The following TRPC5 variants were observed in gnomAD, a reference collection of about 807,000 sequenced individuals.
TRPC5 encodes the protein short transient receptor potential channel 5.
In TRPC5, 9 loss-of-function variants were observed where a neutral mutation model predicts 56.5. That is an observed-to-expected ratio of 0.16 (90% CI 0.10 to 0.28). The LOEUF is 0.28. Ranked by LOEUF, TRPC5 falls within the 10% of genes least tolerant of loss-of-function variation. TRPC5 has a pLI of 1.00. For missense variants in TRPC5, 469 were observed against 748.9 expected (o/e 0.63, Z 4.36); for synonymous variants, 282 against 278.5 (o/e 1.01, Z -0.13).
chrX:111,824,792 T>C (rs1270831165), intron 7 of TRPC5, among the ~76,000 whole-genome samples: 2 of 112,084 alleles, frequency 1.8e-5, no homozygotes, highest in Non-Finnish European at 3.8e-5. Flanking sequence ...CAGGGGGGAC[T>C]TCACTGCCTG....
At chrX:111,842,479 G>C (rs1289457421) in intron 6 of TRPC5, among the ~76,000 whole-genome samples, 1 of 111,550 alleles carries the variant, frequency 9.0e-6, no homozygotes, top group Non-Finnish European at 1.9e-5. Context: ...TTTGGGTTTA[G>C]AAACTTTTTT....
intron 2 of TRPC5, among the ~76,000 whole-genome samples, chrX:111,922,958 T>A (rs1463989344): frequency 1.8e-5 from 2 of 111,751 alleles, no homozygotes; most frequent in Non-Finnish European, 3.8e-5. Flanking sequence ...GAGTATTTTA[T>A]TTAGTCCTCA....
chrX:112,038,492 G>A (rs758938231), intron 1 of TRPC5, among the ~76,000 whole-genome samples: 1 of 111,442 alleles, frequency 9.0e-6, no homozygotes, highest in Admixed American at 9.5e-5. Flanking sequence ...CAGCTTTTCC[G>A]TAGTTTTTCT....
intron 2 of TRPC5, among the ~76,000 whole-genome samples, chrX:111,922,873 A>G (rs1926160243): frequency 8.9e-6 from 1 of 112,299 alleles, no homozygotes. Context: ...TAGCCTAAGC[A>G]GCAGGGATAA....
chrX:111,926,346 AGTGCATT>A (rs756990556), intron 2 of TRPC5, among the ~76,000 whole-genome samples: 43 of 111,927 alleles, frequency 3.8e-4, no homozygotes, highest in African/African-American at 1.3e-3. Context: ...AAACTCTAAA[AGTGCATT>A]GTGCATTATG....
rs766783627 is a variant in TRPC5, at chrX:111,769,438, C to T, written c.*6875G>A. On this transcript the variant is annotated 3_prime_UTR_variant, in exon 11 of 11. Coordinates refer to ENST00000262839, the MANE Select transcript of TRPC5 (RefSeq NM_012471.3). ...AGGCTATGTGCTTATTCATGTAAGG[C>T]TACCACTGCTCCAAGCATAATTGAA... Among the ~76,000 whole-genome samples, 1 of 111,552 alleles carries T rather than the reference C, an allele frequency of 9.0e-6. No individual in the cohort carries two copies. Among genetic ancestry groups the T allele is most frequent in the Non-Finnish European group, 1.9e-5 (1 of 53,123 alleles).
At chrX:111,997,530 TG>T (rs1928573607) in intron 1 of TRPC5, among the ~76,000 whole-genome samples, 1 of 111,263 alleles carries the variant, frequency 9.0e-6, no homozygotes, top group Non-Finnish European at 1.9e-5. Context: ...ATTTGAATGT[TG>T]GCCGGCCTTG....
rs150710834 is a variant in TRPC5 at position 111,871,832 on chromosome X, G to A, written c.901-17726C>T. Among the ~76,000 whole-genome samples the A allele has an allele frequency of 4.3e-3, 478 of 111,804 alleles. 2 individuals carry two copies. Among genetic ancestry groups the A allele is most frequent in the African/African-American group, 0.015 (465 of 30,759 alleles). ...TAATTTTGAATTTGATCCCCAGTGT[G>A]GTGGTATTGGGAGGTAGGGCCTAGT... On this transcript the variant is annotated intron_variant, in intron 3 of 10. Coordinates refer to ENST00000262839, the MANE Select transcript of TRPC5 (RefSeq NM_012471.3).
At chrX:111,778,935 A>T in intron 10 of TRPC5, 50 bp downstream of exon 10, 1 of 931,345 alleles carries the variant, frequency 1.1e-6, no homozygotes, top group Non-Finnish European at 1.5e-6. Flanking sequence ...GTGAAGATTA[A>T]ATGATGCTTA....
intron 3 of TRPC5, among the ~76,000 whole-genome samples, chrX:111,864,228 T>G (rs1169011910): frequency 9.0e-6 from 1 of 111,425 alleles, no homozygotes; most frequent in Non-Finnish European, 1.9e-5. Context: ...GACCTCCTGA[T>G]CCGCAGGCCT....
chrX:112,020,637 A>G (rs193168842), intron 1 of TRPC5, among the ~76,000 whole-genome samples: 44 of 111,820 alleles, frequency 3.9e-4, no homozygotes, highest in African/African-American at 1.2e-3. Context: ...AGGCAGAAAA[A>G]ATAATGAAAT....
intron 7 of TRPC5, among the ~76,000 whole-genome samples, chrX:111,830,157 G>A (rs773683252): frequency 1.2e-4 from 14 of 112,598 alleles, no homozygotes; most frequent in African/African-American, 1.9e-4. Flanking sequence ...TTTAATGACC[G>A]CCCTAGTGGA....
At chrX:111,878,054 G>C (rs1924039387) in intron 3 of TRPC5, among the ~76,000 whole-genome samples, 1 of 111,091 alleles carries the variant, frequency 9.0e-6, no homozygotes, top group Admixed American at 9.6e-5. Flanking sequence ...AGCAAGCTTA[G>C]ATTCATCTTT....
At chrX:111,902,810 G>A (rs1332274703) in intron 3 of TRPC5, 2 of 112,014 alleles carry the variant, frequency 1.8e-5, no homozygotes, top group African/African-American at 6.5e-5. Context: ...AACTGAAAAA[G>A]CTGGGACCAA....
intron 3 of TRPC5, among the ~76,000 whole-genome samples, chrX:111,889,289 A>T (rs1847086951): frequency 9.0e-6 from 1 of 111,591 alleles, no homozygotes; most frequent in Non-Finnish European, 1.9e-5. Context: ...GACTTTAGCA[A>T]GGGTAGTAAG....
At chrX:112,068,837 A>G (rs1176605312) in intron 1 of TRPC5, among the ~76,000 whole-genome samples, 1 of 111,856 alleles carries the variant, frequency 8.9e-6, no homozygotes, top group Non-Finnish European at 1.9e-5. Context: ...TTAAAAAGAG[A>G]TGATGCTCTC....
At chrX:112,027,337 T>C (rs1929440437) in intron 1 of TRPC5, among the ~76,000 whole-genome samples, 1 of 111,982 alleles carries the variant, frequency 8.9e-6, no homozygotes, top group Admixed American at 9.5e-5. Flanking sequence ...AGTTTAGTTA[T>C]GCTTCATCTT....
At chrX:111,936,377 G>T (rs1415392190) in intron 2 of TRPC5, among the ~76,000 whole-genome samples, 2 of 108,707 alleles carry the variant, frequency 1.8e-5, no homozygotes, top group Non-Finnish European at 3.8e-5. Flanking sequence ...AAGTTTTAGG[G>T]TACATGTGCA....
At chrX:111,893,096 C>T (rs763361820) in intron 3 of TRPC5, among the ~76,000 whole-genome samples, 2,985 of 68,535 alleles carry the variant, frequency 0.044, 57 homozygotes, top group Non-Finnish European at 0.06. Flanking sequence ...TTTTTTTTTT[C>T]GGATACCAGA....
Sources: allele counts gnomAD v4.1 joint callset (sites outside exome capture counted in the v4.1 genomes callset), GRCh38; gene constraint gnomAD v4.1.1; transcripts MANE v1.5; gene names NCBI Gene and HGNC (gene_info 2026-07-23, HGNC 2026-07-21).